MECOM: variants seen among roughly 807,000 people sequenced by gnomAD.
The protein encoded by MECOM is histone-lysine N-methyltransferase MECOM.
A neutral mutation model predicts 116.3 loss-of-function variants in MECOM; 13 were observed. That is an observed-to-expected ratio of 0.11 (90% confidence interval 0.07 to 0.18). The LOEUF is 0.18. MECOM is among the 10% of genes least tolerant of loss of function. The pLI, the probability that MECOM is intolerant of heterozygous loss-of-function variation, is 1.00. For missense variants in MECOM, 1,299 were observed against 1,509.0 expected (o/e 0.86, Z 2.31); for synonymous variants, 528 against 535.2 (o/e 0.99, Z 0.19).
At chr3:169,573,678 C>G (rs1260310063) in intron 1 of MECOM, among the ~76,000 whole-genome samples, 1 of 151,860 alleles carries the variant, frequency 6.6e-6, no homozygotes, top group African/African-American at 2.4e-5. Flanking sequence ...TTTGGTTTAC[C>G]TTTTTTTTAA....
chr3:169,427,825 T>C (rs1740971299), intron 1 of MECOM, among the ~76,000 whole-genome samples: 2 of 152,246 alleles, frequency 1.3e-5, no homozygotes, highest in Admixed American at 6.5e-5. Context: ...AATAAATTAA[T>C]GAAGTGGTGA....
chr3:169,138,203 C>T (rs1345424993), intron 3 of MECOM, among the ~76,000 whole-genome samples: 1 of 152,038 alleles, frequency 6.6e-6, no homozygotes. Context: ...GTATGTGATG[C>T]TTTGTGATCT....
intron 1 of MECOM, among the ~76,000 whole-genome samples, chr3:169,564,377 G>GA (rs1305800645): frequency 6.6e-6 from 1 of 151,938 alleles, no homozygotes; most frequent in African/African-American, 2.4e-5. Context: ...CAGAATATAG[G>GA]AAAAAAGTAG....
intron 2 of MECOM, among the ~76,000 whole-genome samples, chr3:169,308,416 G>A (rs1388253929): frequency 6.6e-6 from 1 of 152,206 alleles, no homozygotes; most frequent in African/African-American, 2.4e-5. Flanking sequence ...AAAAAAGTGA[G>A]AAGGTAATGT....
chr3:169,180,426 G>T (rs1042091650), intron 2 of MECOM, among the ~76,000 whole-genome samples: 1 of 151,950 alleles, frequency 6.6e-6, no homozygotes, highest in Non-Finnish European at 1.5e-5. Flanking sequence ...GTTTTGATGC[G>T]CAAGGTACTT....
intron 1 of MECOM, among the ~76,000 whole-genome samples, chr3:169,434,837 T>C (rs947725264): frequency 2.0e-5 from 3 of 152,338 alleles, no homozygotes; most frequent in South Asian, 2.1e-4. Context: ...ATCTCCAGTC[T>C]GTTTCATCAA....
At chr3:169,260,940 C>T (rs1426831033) in intron 2 of MECOM, among the ~76,000 whole-genome samples, 1 of 152,142 alleles carries the variant, frequency 6.6e-6, no homozygotes, top group Non-Finnish European at 1.5e-5. Context: ...TGTCAAAATT[C>T]AGTGCATAGA....
At chr3:169,133,525 A>C (rs1560239360) in intron 3 of MECOM, 1 of 154,218 alleles carries the variant, frequency 6.5e-6, no homozygotes, top group Non-Finnish European at 1.4e-5. Flanking sequence ...GAACCACCTG[A>C]AGCTGGTTTA....
chr3:169,627,534 CT>C, intron 1 of MECOM, among the ~76,000 whole-genome samples: 1 of 152,102 alleles, frequency 6.6e-6, no homozygotes, highest in East Asian at 1.9e-4. Context: ...GAACATGTTA[CT>C]TTTGAAATAA....
At chr3:169,510,966 G>A (rs538660507) in intron 1 of MECOM, among the ~76,000 whole-genome samples, 94 of 152,180 alleles carry the variant, frequency 6.2e-4, no homozygotes, top group East Asian at 2.1e-3. Context: ...AATTCAAAGC[G>A]TTAAAAAACA....
intron 1 of MECOM, among the ~76,000 whole-genome samples, chr3:169,580,750 G>A (rs78591258): frequency 0.064 from 9,752 of 152,226 alleles, 666 homozygotes; most frequent in African/African-American, 0.17. Flanking sequence ...CAAATGACTT[G>A]TAAATTTAAG....
intron 1 of MECOM, among the ~76,000 whole-genome samples, chr3:169,452,548 G>A (rs1283705178): frequency 6.6e-6 from 1 of 152,090 alleles, no homozygotes; most frequent in Non-Finnish European, 1.5e-5. Context: ...CATCTACCAC[G>A]TAAAGGAACA....
intron 10 of MECOM, among the ~76,000 whole-genome samples, chr3:169,107,479 G>A (rs925840968): frequency 5.3e-5 from 8 of 152,092 alleles, no homozygotes; most frequent in Non-Finnish European, 1.2e-4. Flanking sequence ...TTCTGCCCTA[G>A]GATATATAGA....
intron 2 of MECOM, among the ~76,000 whole-genome samples, chr3:169,321,059 T>C (rs757075657): frequency 2.6e-5 from 4 of 152,172 alleles, no homozygotes; most frequent in Non-Finnish European, 5.9e-5. Context: ...TGCTTCCTGT[T>C]GGTAAGTACA....
chr3:169,566,052 G>A, intron 1 of MECOM: 1 of 391,402 alleles, frequency 2.6e-6, no homozygotes, highest in Non-Finnish European at 5.0e-6. Flanking sequence ...TTCACATGGA[G>A]GCAGGAGAGA....
intron 2 of MECOM, among the ~76,000 whole-genome samples, chr3:169,191,968 G>A (rs1747764324): frequency 6.6e-6 from 1 of 152,006 alleles, no homozygotes; most frequent in Non-Finnish European, 1.5e-5. Context: ...AATAGAGTGG[G>A]TGGAGTAAGC....
intron 1 of MECOM, among the ~76,000 whole-genome samples, chr3:169,657,858 A>G (rs79176199): frequency 0.024 from 3,582 of 152,304 alleles, 144 homozygotes; most frequent in African/African-American, 0.084. Context: ...AAGCAAAGGT[A>G]ATTAACAAGG....
intron 2 of MECOM, among the ~76,000 whole-genome samples, chr3:169,211,805 G>C (rs1750765482): frequency 6.6e-6 from 1 of 152,108 alleles, no homozygotes; most frequent in African/African-American, 2.4e-5. Context: ...CTAGACAAAA[G>C]TCCAGACCTT....
At chr3:169,615,809 T>C (rs1048176619) in intron 1 of MECOM, among the ~76,000 whole-genome samples, 1 of 152,254 alleles carries the variant, frequency 6.6e-6, no homozygotes, top group Non-Finnish European at 1.5e-5. Flanking sequence ...GTTAATATTC[T>C]TTAAAATAAA....
Sources: allele counts gnomAD v4.1 joint callset (sites outside exome capture counted in the v4.1 genomes callset), GRCh38; gene constraint gnomAD v4.1.1; transcripts MANE v1.5; gene names NCBI Gene and HGNC (gene_info 2026-07-23, HGNC 2026-07-21).